Variants in G3BP2 observed in about 807,000 individuals in gnomAD.
G3BP2 encodes ras GTPase-activating protein-binding protein 2.
In G3BP2, 11 loss-of-function variants were observed where a neutral mutation model predicts 56.7. The observed-to-expected ratio is 0.19, with a 90% CI of 0.12 to 0.32. The LOEUF (loss-of-function observed/expected upper bound fraction) is 0.32, where lower values mean the gene tolerates loss of function less well. Among genes scored for constraint, G3BP2 ranks in the 10% least tolerant of loss-of-function variants. G3BP2 has a pLI of 1.00. For synonymous variants in G3BP2, 165 were observed against 191.6 expected, an observed-to-expected ratio of 0.86 and a Z score of 1.15; for missense variants, 340 against 610.9, an observed-to-expected ratio of 0.56 and a Z score of 4.67.
intron 1 of G3BP2, among the ~76,000 whole-genome samples, chr4:75,672,297 C>T (rs1016317515): frequency 8.5e-5 from 13 of 152,256 alleles, no homozygotes; most frequent in Non-Finnish European, 1.5e-4. Context: ...CGCCCCAAAG[C>T]GGCAAAGGGC....
chr4:75,674,702 ATATATATATATATATATTTTTTTTT>A (rs1733771061), upstream of G3BP2, among the ~76,000 whole-genome samples: 1 of 43,682 alleles, frequency 2.3e-5, no homozygotes, highest in Non-Finnish European at 5.1e-5. Flanking sequence ...GTACATATAT[ATATATATATATATATATTTTTTTTT>A]TTTTTTTTTT....
chr4:75,720,836 T>TAAAA, intron 3 of G3BP2, among the ~76,000 whole-genome samples: 1 of 130,468 alleles, frequency 7.7e-6, no homozygotes, highest in East Asian at 2.0e-4. Context: ...AATAAATAAA[T>TAAAA]AAATAAAAAT....
intron 1 of G3BP2, 171 bp from the exon 2 acceptor site, chr4:75,662,220 AATT>A: frequency 2.5e-6 from 1 of 402,828 alleles, no homozygotes; most frequent in Non-Finnish European, 4.3e-6. Flanking sequence ...AACCTGAAAT[AATT>A]TTTTTTTTTT....
At chr4:75,673,039 C>T (rs1486244169) in intron 1 of G3BP2, 169 bp downstream of exon 1, 1 of 993,274 alleles carries the variant, frequency 1.0e-6, no homozygotes, top group African/African-American at 1.7e-5. Flanking sequence ...GACTGGTCTT[C>T]TCTCACGCAC....
At chr4:75,667,379 A>G (rs1013129147) in intron 1 of G3BP2, among the ~76,000 whole-genome samples, 2 of 152,144 alleles carry the variant, frequency 1.3e-5, no homozygotes, top group Non-Finnish European at 2.9e-5. Context: ...ACCTTCAAAG[A>G]TAACTACCAT....
chr4:75,655,205 G>A lies in G3BP2; in HGVS notation c.587C>T (p.Pro196Leu). ...EEPLEESSHE[P>L]EPEPESETKT... The stretch of plus-strand genomic sequence containing the variant: ...TGTTTCAGATTCTGGCTCAGGTTCA[G>A]GTTCATGAGAGGATTCTTCCAAAGG... Residue 196 changes from proline to leucine, a missense_variant, in exon 7 of 12, where the codon CCT becomes CTT. Physicochemically the swap from Pro to Leu is moderately conservative, Grantham distance 98 (BLOSUM62 -3). Transcript: ENST00000359707. 6.2e-7 allele frequency: 1 copy of A among 1,613,596 alleles called. No homozygotes were observed. The highest frequency in any genetic ancestry group is 8.5e-7 in the Non-Finnish European group (1 of 1,179,600).
chr4:75,691,869 C>T (rs1332521954), intron 3 of G3BP2, among the ~76,000 whole-genome samples: 1 of 152,186 alleles, frequency 6.6e-6, no homozygotes, highest in Admixed American at 6.5e-5. Context: ...CCTAAACACA[C>T]ACACACATAC....
rs535581838 is a variant in G3BP2 at position 75,673,369 on chromosome 4, CCCGGGCG to C, written c.-193_-187del. On this transcript the variant is annotated 5_prime_UTR_variant, in exon 1 of 12. Transcript: ENST00000359707. ...TTCGTCTGCCTCACAACCACCTCTT[CCCGGGCG>C]CCAGGCGCTGCGACGTGCGACAAGG... 436 of 1,231,958 alleles carry C rather than the reference CCCGGGCG, an allele frequency of 3.5e-4. 2 individuals carry two copies. The African/African-American group carries it at 6.0e-3, about 17-fold the overall frequency. 76.3% of individuals were successfully genotyped at this position (1,231,958 alleles called of 1,614,324 possible).
chr4:75,644,391 T>C lies in G3BP2; in HGVS notation c.*1039A>G, dbSNP rs1731070349. On this transcript the variant is annotated 3_prime_UTR_variant, in exon 12 of 12. Coordinates refer to ENST00000359707, the MANE Select transcript of G3BP2 (RefSeq NM_203505.3). ...AAGATAAATAATATGCTAGTCCATT[T>C]TACTGATTTTAAAGATACTGCAATT... 6.6e-6 allele frequency: 1 copy of C among 152,642 alleles called. No homozygotes were observed. Among genetic ancestry groups the C allele is most frequent in the Non-Finnish European group, 1.5e-5 (1 of 68,038 alleles). 9.5% of individuals were successfully genotyped at this position (152,642 alleles called of 1,614,324 possible).
chr4:75,654,283 T>C (rs1267813847), intron 7 of G3BP2, among the ~76,000 whole-genome samples: 3 of 152,240 alleles, frequency 2.0e-5, no homozygotes, highest in Admixed American at 2.0e-4. Flanking sequence ...TTTATAACTT[T>C]TGTCTGACTA....
chr4:75,689,144 A>C (rs1278535421), intron 3 of G3BP2, among the ~76,000 whole-genome samples: 1 of 152,212 alleles, frequency 6.6e-6, no homozygotes, highest in East Asian at 1.9e-4. Context: ...GCACTTTGGG[A>C]GGCGGGCGGA....
chr4:75,708,157 G>A (rs1212692058), intron 3 of G3BP2, among the ~76,000 whole-genome samples: 5 of 152,180 alleles, frequency 3.3e-5, no homozygotes, highest in Non-Finnish European at 7.3e-5. Flanking sequence ...GTGTTAAGAA[G>A]GCTGTCAGGA....
chr4:75,655,970 A>C, intron 5 of G3BP2, 100 bp from the exon 6 acceptor site: 1 of 677,086 alleles, frequency 1.5e-6, no homozygotes, highest in Non-Finnish European at 2.6e-6. Flanking sequence ...ATAGCAAAAA[A>C]GAAAATTTGA....
At chr4:75,661,457 C>T (rs979712867) in intron 2 of G3BP2, 2 of 149,426 alleles carry the variant, frequency 1.3e-5, no homozygotes, top group African/African-American at 5.0e-5. Context: ...TATAGTTCTC[C>T]AGCACCTGCC....
At chr4:75,698,686 G>A (rs1190497537) in intron 3 of G3BP2, among the ~76,000 whole-genome samples, 1 of 151,972 alleles carries the variant, frequency 6.6e-6, no homozygotes, top group Non-Finnish European at 1.5e-5. Flanking sequence ...TTACGAAGGG[G>A]TCATGAGCAA....
At chr4:75,656,818 G>A in intron 5 of G3BP2, 106 bp downstream of exon 5, 2 of 680,458 alleles carry the variant, frequency 2.9e-6, no homozygotes, top group Middle Eastern at 2.5e-4. Flanking sequence ...GTTTGACACA[G>A]TTACAATAAA....
Position 75,645,084 on chromosome 4 carries a change from G to C in G3BP2, c.*346C>G, listed in dbSNP as rs903102227. The C allele has an allele frequency of 4.1e-5, 10 of 245,716 alleles. No individual in the cohort carries two copies. Among genetic ancestry groups the C allele is most frequent in the African/African-American group, 9.1e-5 (4 of 43,756 alleles). The allele number at this position is 245,716 out of a possible 1,614,324, so 15.2% of individuals were successfully genotyped here. ...TTCCCAGCATTAACAGGCAGAAACA[G>C]TAACACTTAAACAAAATGTGCAGCA... is the stretch of plus-strand genomic sequence containing the variant. On this transcript the variant is annotated 3_prime_UTR_variant, in exon 12 of 12. Coordinates refer to ENST00000359707, the MANE Select transcript of G3BP2 (RefSeq NM_203505.3).
chr4:75,677,709 G>A (rs1274673846), upstream of G3BP2, among the ~76,000 whole-genome samples: 1 of 152,114 alleles, frequency 6.6e-6, no homozygotes, highest in Non-Finnish European at 1.5e-5. Flanking sequence ...CATTTTTCTT[G>A]GAAAGTGTCT....
At position 75,658,832 on chromosome 4, in the gene G3BP2, T is replaced by C. The variant is rs757480238; in HGVS notation, c.177+11A>G. ...CAAAATTTCTAAACTACATATGAAA[T>C]TGATACTTACATTTTGGCCATAAAC... On this transcript the variant is annotated intron_variant, in intron 3 of 11. Coordinates refer to ENST00000359707, the MANE Select transcript of G3BP2 (RefSeq NM_203505.3). 5 of 1,538,290 alleles carry C rather than the reference T, an allele frequency of 3.3e-6. No homozygotes were observed. The highest frequency in any genetic ancestry group is 1.1e-5 in the South Asian group (1 of 89,594).
Sources: allele counts gnomAD v4.1 joint callset (sites outside exome capture counted in the v4.1 genomes callset), GRCh38; gene constraint gnomAD v4.1.1; transcripts MANE v1.5; gene names NCBI Gene and HGNC (gene_info 2026-07-23, HGNC 2026-07-21).